The following SLC25A48 variants were observed in gnomAD, a reference collection of about 807,000 sequenced individuals.
SLC25A48 encodes solute carrier family 25 member 48.
In SLC25A48, 29 loss-of-function variants were observed where a neutral mutation model predicts 32.2. The observed-to-expected ratio is 0.90, with a 90% confidence interval of 0.67 to 1.23. SLC25A48 has a LOEUF of 1.23. SLC25A48 is among the 50% of genes most tolerant of loss of function. The pLI is 0.00. For missense variants in SLC25A48, 399 were observed against 422.7 expected, an observed-to-expected ratio of 0.94 and a Z score of 0.49; for synonymous variants, 164 against 172.3, an observed-to-expected ratio of 0.95 and a Z score of 0.38.
At chr5:135,792,970 A>G (rs1369774133) in intron 3 of SLC25A48, among the ~76,000 whole-genome samples, 3 of 148,844 alleles carry the variant, frequency 2.0e-5, no homozygotes, top group South Asian at 4.2e-4. Context: ...TACACCATGT[A>G]TGTACACCCT....
At chr5:135,823,223 A>T (rs1258200541) in intron 4 of SLC25A48, among the ~76,000 whole-genome samples, 5 of 152,256 alleles carry the variant, frequency 3.3e-5, no homozygotes, top group African/African-American at 1.2e-4. Context: ...ATGGGTCAGG[A>T]GTCCACAAGT....
At chr5:135,839,649 G>C (rs186417244) in intron 1 of SLC25A48, among the ~76,000 whole-genome samples, 17 of 152,296 alleles carry the variant, frequency 1.1e-4, no homozygotes, top group East Asian at 9.6e-4. Flanking sequence ...AGATTTGGGA[G>C]GGGCCAGGAG....
At chr5:135,682,621 G>C (rs1435645949) in intron 3 of SLC25A48, among the ~76,000 whole-genome samples, 1 of 152,130 alleles carries the variant, frequency 6.6e-6, no homozygotes, top group Non-Finnish European at 1.5e-5. Context: ...CAGGTTGTAT[G>C]CCAATCACAT....
intron 4 of SLC25A48, among the ~76,000 whole-genome samples, chr5:135,824,009 A>G (rs1757959436): frequency 6.6e-6 from 1 of 152,190 alleles, no homozygotes; most frequent in African/African-American, 2.4e-5. Flanking sequence ...GAGGCACCAG[A>G]CAGATAAGAC....
At chr5:135,810,676 C>T (rs746077919) in intron 3 of SLC25A48, among the ~76,000 whole-genome samples, 1 of 152,164 alleles carries the variant, frequency 6.6e-6, no homozygotes, top group African/African-American at 2.4e-5. Context: ...AAGGAGGTTT[C>T]GTATTTTATA....
chr5:135,880,127 G>A (rs1478348386), intron 7 of SLC25A48, 30 bp downstream of exon 7: 3 of 1,510,598 alleles, frequency 2.0e-6, no homozygotes, highest in Admixed American at 4.4e-5. Context: ...GGCCAATTGT[G>A]CCTCCCAGGA....
rs138603284 is a variant in SLC25A48, at chr5:135,785,747, C to T, written c.-520-26776C>T. Among the ~76,000 whole-genome samples, 293 of 143,172 alleles carry T rather than the reference C, an allele frequency of 2.0e-3. 2 individuals carry two copies. The highest frequency in any genetic ancestry group is 7.2e-3 in the African/African-American group (275 of 38,294). 93.9% of individuals were successfully genotyped at this position (143,172 alleles called of 152,430 possible). Reference sequence around the variant, plus strand: ...GAGGGTGATGTTACTCTCCATGGGGCGGGGGTGAAACATCCCGCTTGCCCC... The same window carrying T: ...GAGGGTGATGTTACTCTCCATGGGGTGGGGGTGAAACATCCCGCTTGCCCC... On this transcript the variant is annotated intron_variant, in intron 3 of 10. Coordinates refer to the SLC25A48 transcript ENST00000646290.
At chr5:135,660,263 A>G (rs1406714833) in intron 3 of SLC25A48, among the ~76,000 whole-genome samples, 2 of 152,236 alleles carry the variant, frequency 1.3e-5, no homozygotes, top group African/African-American at 4.8e-5. Context: ...ATAGTGAAAT[A>G]TCACAACCAG....
chr5:135,779,429 T>C (rs1756664248), intron 3 of SLC25A48, among the ~76,000 whole-genome samples: 1 of 151,416 alleles, frequency 6.6e-6, no homozygotes. Flanking sequence ...TTACTCCCAA[T>C]ATCACAGGGA....
intron 1 of SLC25A48, among the ~76,000 whole-genome samples, chr5:135,591,014 A>T (rs566212432): frequency 9.2e-5 from 14 of 152,202 alleles, no homozygotes; most frequent in African/African-American, 3.4e-4. Context: ...CCACAGCATC[A>T]TCCTGCCTCT....
At chr5:135,605,607 C>A (rs1450219526) in intron 1 of SLC25A48, among the ~76,000 whole-genome samples, 1 of 152,238 alleles carries the variant, frequency 6.6e-6, no homozygotes, top group Admixed American at 6.5e-5. Context: ...CATTTAACAT[C>A]TTCTTCACTA....
intron 4 of SLC25A48, among the ~76,000 whole-genome samples, chr5:135,824,022 A>G (rs1757959745): frequency 6.6e-6 from 1 of 152,166 alleles, no homozygotes; most frequent in Admixed American, 6.5e-5. Flanking sequence ...GATAAGACAG[A>G]TAAGACCACC....
chr5:135,635,188 T>C (rs1561768311), intron 3 of SLC25A48, among the ~76,000 whole-genome samples: 1 of 152,312 alleles, frequency 6.6e-6, no homozygotes, highest in East Asian at 1.9e-4. Context: ...GCGTGTGGAA[T>C]CCAGGGCTAT....
intron 3 of SLC25A48, among the ~76,000 whole-genome samples, chr5:135,785,279 G>A (rs1036760085): frequency 6.6e-6 from 1 of 152,074 alleles, no homozygotes; most frequent in Non-Finnish European, 1.5e-5. Flanking sequence ...CCCATGGAAC[G>A]GGGGATGGAA....
intron 3 of SLC25A48, among the ~76,000 whole-genome samples, chr5:135,645,068 T>C (rs1752928537): frequency 1.3e-5 from 2 of 152,218 alleles, no homozygotes; most frequent in Non-Finnish European, 2.9e-5. Context: ...TCCTCTGCAC[T>C]GCTCAGGTGC....
intron 3 of SLC25A48, among the ~76,000 whole-genome samples, chr5:135,704,140 G>A (rs1031702938): frequency 3.9e-5 from 6 of 152,206 alleles, no homozygotes; most frequent in Non-Finnish European, 7.3e-5. Flanking sequence ...TGTTCTGGGC[G>A]GCAGAGGCTC....
At chr5:135,842,063 T>C (rs902266758) in intron 1 of SLC25A48, among the ~76,000 whole-genome samples, 1 of 152,232 alleles carries the variant, frequency 6.6e-6, no homozygotes, top group Non-Finnish European at 1.5e-5. Context: ...TATGTTTTAG[T>C]TTAAGAATCT....
At chr5:135,730,003 T>C (rs1394739777) in intron 3 of SLC25A48, among the ~76,000 whole-genome samples, 3 of 152,206 alleles carry the variant, frequency 2.0e-5, no homozygotes, top group Non-Finnish European at 2.9e-5. Flanking sequence ...TCACTCTTCA[T>C]GTCCCTGCCC....
rs150448777 is a variant in SLC25A48 at position 135,653,814 on chromosome 5, C to A, written c.-521+18858C>A. On this transcript the variant is annotated intron_variant, in intron 3 of 10. Coordinates refer to the SLC25A48 transcript ENST00000646290. Reference sequence around the variant, plus strand: ...GGCCAGAGAAGGAATATCTCATTGACAGCGGGTATTTCCTTATGGGATCCA... The same window carrying A: ...GGCCAGAGAAGGAATATCTCATTGAAAGCGGGTATTTCCTTATGGGATCCA... 29 of 456,224 alleles carry A rather than the reference C, an allele frequency of 6.4e-5. No individual in the cohort carries two copies. In the East Asian group the frequency reaches 1.9e-3, roughly 31 times the overall value. 28.3% of individuals were successfully genotyped at this position (456,224 alleles called of 1,614,324 possible). A position where few individuals can be genotyped will look rare whatever the true frequency, so the allele number is the denominator to read the frequency against.
Sources: gnomAD v4.1 joint callset for allele counts (sites outside exome capture counted in the v4.1 genomes callset) on GRCh38, gnomAD v4.1.1 for gene constraint, MANE v1.5 for transcripts, NCBI Gene and HGNC (gene_info 2026-07-23, HGNC 2026-07-21) for gene names.